The following MCTP1 variants were observed in gnomAD, a reference collection of about 807,000 sequenced individuals.
MCTP1 encodes multiple C2 and transmembrane domain-containing protein 1.
A neutral mutation model predicts 120.6 loss-of-function variants in MCTP1; 69 were observed. The ratio of observed to expected loss-of-function variants is 0.57; its 90% CI spans 0.47 to 0.70. The LOEUF is 0.70. MCTP1 is among the 30% of genes least tolerant of loss of function. The pLI, the probability that MCTP1 is intolerant of heterozygous loss-of-function variation, is 0.00. For synonymous variants in MCTP1, 529 were observed against 493.1 expected, an observed-to-expected ratio of 1.07 and a Z score of -0.96; for missense variants, 1,203 against 1,248.8, an observed-to-expected ratio of 0.96 and a Z score of 0.55.
intron 19 of MCTP1, among the ~76,000 whole-genome samples, chr5:94,759,413 T>C (rs1770749536): frequency 6.6e-6 from 1 of 152,140 alleles, no homozygotes. Flanking sequence ...ACGTTTAATG[T>C]AGGAGAAACT....
chr5:94,862,522 C>G lies in MCTP1; in HGVS notation c.2436+5811G>C, dbSNP rs192212811. Among the ~76,000 whole-genome samples, 184 of 151,868 alleles carry G rather than the reference C, an allele frequency of 1.2e-3. 1 individual carries two copies. The highest frequency in any genetic ancestry group is 4.2e-3 in the African/African-American group (175 of 41,462). ...CTTCACAATTAAATAGGCCCACAAACTGAACTAGAGCCTCACTCCTCAGGA... is the reference window on the plus strand; with the variant it reads ...CTTCACAATTAAATAGGCCCACAAAGTGAACTAGAGCCTCACTCCTCAGGA... On this transcript the variant is annotated intron_variant, in intron 17 of 22. Coordinates refer to ENST00000515393, the MANE Select transcript of MCTP1 (RefSeq NM_024717.7).
At chr5:95,226,693 A>G (rs111691760) in intron 1 of MCTP1, among the ~76,000 whole-genome samples, 1 of 152,056 alleles carries the variant, frequency 6.6e-6, no homozygotes, top group Non-Finnish European at 1.5e-5. Flanking sequence ...CTTTTTGAAA[A>G]TATTTACTGT....
intron 17 of MCTP1, chr5:94,826,614 G>T: frequency 1.3e-6 from 1 of 783,718 alleles, no homozygotes; most frequent in Non-Finnish European, 2.2e-6. Flanking sequence ...TTGATCTTCA[G>T]CTCTGCAAAA....
intron 1 of MCTP1, among the ~76,000 whole-genome samples, chr5:95,164,998 G>C (rs1746158101): frequency 1.3e-5 from 2 of 151,994 alleles, no homozygotes; most frequent in Admixed American, 6.6e-5. Flanking sequence ...GGGGAATAAG[G>C]CACACCCACT....
chr5:94,800,143 G>T (rs1780902324), intron 17 of MCTP1, among the ~76,000 whole-genome samples: 1 of 152,180 alleles, frequency 6.6e-6, no homozygotes, highest in South Asian at 2.1e-4. Context: ...AGGGTTGTGA[G>T]AATTAAACAC....
At chr5:94,921,033 G>A (rs995430953) in intron 7 of MCTP1, among the ~76,000 whole-genome samples, 2 of 152,062 alleles carry the variant, frequency 1.3e-5, no homozygotes, top group East Asian at 1.9e-4. Flanking sequence ...CTTGTAAGGT[G>A]GTTTGCTCAA....
intron 2 of MCTP1, among the ~76,000 whole-genome samples, chr5:94,983,690 T>G (rs114876195): frequency 0.025 from 3,846 of 152,286 alleles, 169 homozygotes; most frequent in African/African-American, 0.09. Context: ...TATCTATCTA[T>G]CTATCTATTG....
At chr5:94,784,949 GAATGTGGCTTT>G (rs1471541248) in intron 18 of MCTP1, 6 of 152,050 alleles carry the variant, frequency 3.9e-5, no homozygotes, top group Admixed American at 6.5e-5. Flanking sequence ...TCTTAATAAG[GAATGTGGCTTT>G]AATGTGGCTA....
chr5:95,062,741 C>T (rs1191918413), intron 1 of MCTP1, among the ~76,000 whole-genome samples: 1 of 152,086 alleles, frequency 6.6e-6, no homozygotes, highest in African/African-American at 2.4e-5. Flanking sequence ...CAAATGATGG[C>T]GATTATCCAG....
At chr5:94,780,361 CAT>C (rs1207900738) in intron 18 of MCTP1, among the ~76,000 whole-genome samples, 1 of 152,048 alleles carries the variant, frequency 6.6e-6, no homozygotes, top group South Asian at 2.1e-4. Flanking sequence ...ACTGAGATAA[CAT>C]ATCAGAACTC....
At chr5:94,810,990 A>C (rs1008662291) in intron 17 of MCTP1, among the ~76,000 whole-genome samples, 6 of 152,184 alleles carry the variant, frequency 3.9e-5, no homozygotes, top group African/African-American at 1.4e-4. Flanking sequence ...GCTATCATTT[A>C]CTAGCTTCTG....
intron 18 of MCTP1, among the ~76,000 whole-genome samples, chr5:94,794,374 G>A (rs1384467019): frequency 6.6e-6 from 1 of 152,226 alleles, no homozygotes; most frequent in Admixed American, 6.5e-5. Flanking sequence ...GGTCACGAAT[G>A]CTTCTGAAAT....
intron 1 of MCTP1, among the ~76,000 whole-genome samples, chr5:95,279,028 G>A (rs1760099212): frequency 6.6e-6 from 1 of 151,214 alleles, no homozygotes; most frequent in African/African-American, 2.4e-5. Flanking sequence ...ATTATAAATA[G>A]ATATAGACCA....
At chr5:94,788,810 T>C (rs536315773) in intron 18 of MCTP1, 21 of 152,218 alleles carry the variant, frequency 1.4e-4, no homozygotes, top group Non-Finnish European at 2.6e-4. Context: ...GGTATCCTTT[T>C]TTCCTCCCCA....
intron 1 of MCTP1, among the ~76,000 whole-genome samples, chr5:95,134,106 C>T (rs962361717): frequency 6.6e-6 from 1 of 152,064 alleles, no homozygotes; most frequent in African/African-American, 2.4e-5. Flanking sequence ...TGTTTTAATA[C>T]CATAGGATGC....
intron 1 of MCTP1, among the ~76,000 whole-genome samples, chr5:95,032,824 A>G (rs1284430078): frequency 2.0e-5 from 3 of 152,092 alleles, no homozygotes; most frequent in Non-Finnish European, 4.4e-5. Context: ...GATAAACAGA[A>G]TTGATAGACC....
intron 17 of MCTP1, among the ~76,000 whole-genome samples, chr5:94,804,006 A>G (rs1331985492): frequency 6.6e-6 from 1 of 152,220 alleles, no homozygotes; most frequent in Admixed American, 6.5e-5. Flanking sequence ...GACAGCATCC[A>G]AAGCAAAGCC....
At chr5:95,030,231 C>T (rs1291560928) in intron 1 of MCTP1, among the ~76,000 whole-genome samples, 1 of 152,194 alleles carries the variant, frequency 6.6e-6, no homozygotes, top group South Asian at 2.1e-4. Flanking sequence ...CTGATGCATG[C>T]TCCACCACTT....
intron 1 of MCTP1, among the ~76,000 whole-genome samples, chr5:95,261,761 T>C (rs1758490195): frequency 6.6e-6 from 1 of 152,244 alleles, no homozygotes; most frequent in Non-Finnish European, 1.5e-5. Flanking sequence ...TTCTTGTAAA[T>C]GTTCTCTGCA....
Sources: allele counts gnomAD v4.1 joint callset (sites outside exome capture counted in the v4.1 genomes callset), GRCh38; gene constraint gnomAD v4.1.1; transcripts MANE v1.5; gene names NCBI Gene and HGNC (gene_info 2026-07-23, HGNC 2026-07-21).